The following BCAR3 variants were observed in gnomAD, a reference collection of about 807,000 sequenced individuals.
BCAR3 encodes BCAR3 adaptor protein, NSP family member.
BCAR3 carries 37 observed loss-of-function variants against 80.1 expected under a neutral mutation model. That is an observed-to-expected ratio of 0.46 (90% CI 0.36 to 0.61). The LOEUF (loss-of-function observed/expected upper bound fraction) is 0.61, where lower values mean the gene tolerates loss of function less well. Ranked by LOEUF, BCAR3 falls within the 20% of genes least tolerant of loss-of-function variation. The probability of loss-of-function intolerance (pLI) is 0.00; values close to 1 mark genes in which losing one functional copy is unlikely to be tolerated. For missense variants in BCAR3, 978 were observed against 1,068.2 expected, an observed-to-expected ratio of 0.92 and a Z score of 1.18; for synonymous variants, 389 against 418.9, an observed-to-expected ratio of 0.93 and a Z score of 0.87.
Position 93,584,041 on chromosome 1 carries a change from T to G in BCAR3, c.1010A>C (p.Gln337Pro). 6.2e-7 allele frequency: 1 copy of G among 1,614,076 alleles called. No individual in the cohort carries two copies. Among genetic ancestry groups the G allele is most frequent in the Non-Finnish European group, 8.5e-7 (1 of 1,179,998 alleles). ...ACCAATCGGCAGGTAGCTCTCTGAC[T>G]GGTGGGCTTTGAGGGACAAGGCTCT... ...DRRALSLKAH[Q>P]SESYLPIGCK... Residue 337 changes from glutamine to proline, a missense_variant, in exon 6 of 12, where the codon CAG becomes CCG. Gln to Pro is a moderately conservative substitution (Grantham distance 76). Coordinates refer to ENST00000260502, the MANE Select transcript of BCAR3 (RefSeq NM_003567.4).
At chr1:93,762,319 T>A (rs1651975739) in intron 2 of BCAR3, among the ~76,000 whole-genome samples, 1 of 152,138 alleles carries the variant, frequency 6.6e-6, no homozygotes. Flanking sequence ...AACAGACCCC[T>A]GAAGGGTCAC....
At chr1:93,771,972 C>G (rs915953127) in intron 2 of BCAR3, among the ~76,000 whole-genome samples, 2 of 152,166 alleles carry the variant, frequency 1.3e-5, no homozygotes, top group Admixed American at 1.3e-4. Flanking sequence ...AAATCATATC[C>G]CACTTCCTCC....
At chr1:93,570,751 C>T (rs1256449857) in intron 9 of BCAR3, among the ~76,000 whole-genome samples, 1 of 152,226 alleles carries the variant, frequency 6.6e-6, no homozygotes, top group Non-Finnish European at 1.5e-5. Flanking sequence ...CACCTGGTGA[C>T]CCAGATGGAG....
intron 2 of BCAR3, among the ~76,000 whole-genome samples, chr1:93,659,007 G>C (rs2101928254): frequency 6.6e-6 from 1 of 152,302 alleles, no homozygotes; most frequent in East Asian, 1.9e-4. Context: ...ACACAACTGG[G>C]AGACAGTGTG....
chr1:93,645,392 A>T (rs1676121660), intron 2 of BCAR3, among the ~76,000 whole-genome samples: 1 of 152,138 alleles, frequency 6.6e-6, no homozygotes, highest in Admixed American at 6.6e-5. Context: ...GAGTTTATGT[A>T]AAATAGAAGT....
Position 93,582,314 on chromosome 1 carries a change from C to G in BCAR3, c.1673G>C (p.Ser558Thr). ...DPKVIAQHVL[S>T]MDCRVARILG... ...CCCAGCGCTTACCCTGCAGTCCATG[C>G]TCAGTACGTGCTGGGCGATGACCTT... Residue 558 changes from serine (S) to threonine (T), a missense_variant, in exon 7 of 12, where the codon AGC becomes ACC. By Grantham distance (58) the Ser-to-Thr change is moderately conservative (BLOSUM62 1). Transcript: ENST00000260502. The G allele has an allele frequency of 6.2e-7, 1 of 1,613,808 alleles. No individual in the cohort carries two copies. The highest frequency in any genetic ancestry group is 1.7e-5 in the Admixed American group (1 of 60,022).
intron 3 of BCAR3, among the ~76,000 whole-genome samples, chr1:93,637,957 C>A (rs1292207097): frequency 6.6e-6 from 1 of 151,990 alleles, no homozygotes; most frequent in Non-Finnish European, 1.5e-5. Context: ...CTAATTAGAA[C>A]AAAAGTGTGG....
intron 3 of BCAR3, among the ~76,000 whole-genome samples, chr1:93,610,973 T>C (rs1175027361): frequency 1.3e-5 from 2 of 152,120 alleles, no homozygotes; most frequent in African/African-American, 4.8e-5. Context: ...CTGCTTTCTA[T>C]TCCTAGTTCC....
chr1:93,837,603 G>A (rs1408266296), intron 2 of BCAR3, among the ~76,000 whole-genome samples: 5 of 152,164 alleles, frequency 3.3e-5, no homozygotes, highest in Non-Finnish European at 7.3e-5. Flanking sequence ...GATCCATCTT[G>A]TTGCAGCTCT....
At chr1:93,735,860 G>C (rs555835921) in intron 2 of BCAR3, among the ~76,000 whole-genome samples, 1 of 152,344 alleles carries the variant, frequency 6.6e-6, no homozygotes, top group African/African-American at 2.4e-5. Context: ...CACAGCATTT[G>C]GTGGCCTTCC....
chr1:93,677,467 C>T (rs1391644256), intron 1 of BCAR3, among the ~76,000 whole-genome samples: 1 of 152,128 alleles, frequency 6.6e-6, no homozygotes, highest in African/African-American at 2.4e-5. Flanking sequence ...AAGGACCGAA[C>T]CCAGTCTGTA....
chr1:93,645,819 C>T (rs181799741), intron 2 of BCAR3, among the ~76,000 whole-genome samples: 105 of 151,666 alleles, frequency 6.9e-4, no homozygotes, highest in African/African-American at 2.5e-3. Flanking sequence ...CCCTCTAGCA[C>T]ACCAAACTTT....
At chr1:93,567,217 C>A in intron 11 of BCAR3, 62 bp downstream of exon 11, 1 of 1,561,282 alleles carries the variant, frequency 6.4e-7, no homozygotes, top group Middle Eastern at 2.3e-4. Context: ...CCATGCTCTT[C>A]CATTCCTTCA....
chr1:93,659,497 A>G (rs1647548354), intron 2 of BCAR3, among the ~76,000 whole-genome samples: 2 of 152,116 alleles, frequency 1.3e-5, no homozygotes, highest in South Asian at 2.1e-4. Flanking sequence ...CTGGCCAGCA[A>G]CCGGCTTTAA....
intron 2 of BCAR3, among the ~76,000 whole-genome samples, chr1:93,719,334 GTTTTTTTTTTTT>G (rs1217381018): frequency 1.5e-3 from 107 of 73,210 alleles, no homozygotes; most frequent in Non-Finnish European, 2.2e-3. Context: ...AAACTTTCTT[GTTTTTTTTTTTT>G]TTTTTTTTTT....
At chr1:93,747,428 T>G (rs1313145227) in intron 2 of BCAR3, among the ~76,000 whole-genome samples, 3 of 151,742 alleles carry the variant, frequency 2.0e-5, no homozygotes, top group Non-Finnish European at 4.4e-5. Flanking sequence ...GATCCTTCTC[T>G]TATACTTCCA....
chr1:93,616,001 A>G (rs1675113129), intron 3 of BCAR3, among the ~76,000 whole-genome samples: 1 of 152,218 alleles, frequency 6.6e-6, no homozygotes, highest in African/African-American at 2.4e-5. Context: ...CTTCCCCCAG[A>G]AATCGTGAAT....
intron 2 of BCAR3, among the ~76,000 whole-genome samples, chr1:93,745,114 C>G (rs913405104): frequency 6.6e-6 from 1 of 152,350 alleles, no homozygotes; most frequent in Admixed American, 6.5e-5. Context: ...CAAACAGACT[C>G]TTTCAAAGAG....
At chr1:93,751,449 T>C (rs1049633542) in intron 2 of BCAR3, among the ~76,000 whole-genome samples, 3 of 152,110 alleles carry the variant, frequency 2.0e-5, no homozygotes, top group Non-Finnish European at 4.4e-5. Flanking sequence ...CTGACCTGGG[T>C]AACTTTATAC....
Sources: gnomAD v4.1 joint callset for allele counts (sites outside exome capture counted in the v4.1 genomes callset) on GRCh38, gnomAD v4.1.1 for gene constraint, MANE v1.5 for transcripts, NCBI Gene and HGNC (gene_info 2026-07-23, HGNC 2026-07-21) for gene names.